Variants in PRKG1 observed in about 807,000 individuals in gnomAD.
The protein encoded by PRKG1 is protein kinase cGMP-dependent 1.
A neutral mutation model predicts 88.1 loss-of-function variants in PRKG1; 35 were observed. The ratio of observed to expected loss-of-function variants is 0.40; its 90% CI spans 0.30 to 0.53. PRKG1 has a LOEUF of 0.53. PRKG1 is among the 20% of genes least tolerant of loss of function. The pLI, the probability that PRKG1 is intolerant of heterozygous loss-of-function variation, is 0.59. For missense variants in PRKG1, 540 were observed against 839.8 expected (o/e 0.64, Z 4.41); for synonymous variants, 303 against 292.5 (o/e 1.04, Z -0.37).
chr10:52,242,553 A>C (rs1314879046), intron 9 of PRKG1, among the ~76,000 whole-genome samples: 5 of 152,152 alleles, frequency 3.3e-5, no homozygotes, highest in African/African-American at 1.2e-4. Context: ...AAGGGAGAAA[A>C]CCTTGAATTC....
rs74960221 is a variant in PRKG1 at position 52,016,828 on chromosome 10, G to A, written c.763-37656G>A. 3.5e-3 allele frequency among the ~76,000 whole-genome samples: 527 copies of A among 152,144 alleles called. 1 individual carries two copies. Among genetic ancestry groups the A allele is most frequent in the African/African-American group, 0.012 (508 of 41,526 alleles). On this transcript the variant is annotated intron_variant, in intron 5 of 17. Transcript: ENST00000373980. ...ATAATAAAAATTTTTTAAAAACACA[G>A]CAATAACAGAACAAGGTAAAATACA...
At chr10:52,057,185 C>T (rs1440214655) in intron 6 of PRKG1, among the ~76,000 whole-genome samples, 2 of 152,166 alleles carry the variant, frequency 1.3e-5, no homozygotes, top group Non-Finnish European at 2.9e-5. Flanking sequence ...AAATGAAATT[C>T]CCCTTGTTCA....
chr10:51,332,284 C>A (rs1484141390), intron 2 of PRKG1, among the ~76,000 whole-genome samples: 1 of 151,988 alleles, frequency 6.6e-6, no homozygotes, highest in East Asian at 1.9e-4. Context: ...ACAGGAGTTC[C>A]ATGTCAGAAA....
At chr10:51,432,558 A>G (rs1838800087) in intron 2 of PRKG1, among the ~76,000 whole-genome samples, 1 of 152,192 alleles carries the variant, frequency 6.6e-6, no homozygotes, top group Admixed American at 6.6e-5. Context: ...ATGAATTTCA[A>G]AGAATACTGC....
intron 5 of PRKG1, among the ~76,000 whole-genome samples, chr10:52,014,897 A>T (rs1347655427): frequency 6.6e-6 from 1 of 152,264 alleles, no homozygotes; most frequent in Non-Finnish European, 1.5e-5. Context: ...GGGCACACTG[A>T]TGCAAGGCAT....
chr10:51,064,654 AT>A (rs1843728641), intron 1 of PRKG1, among the ~76,000 whole-genome samples: 2 of 152,080 alleles, frequency 1.3e-5, no homozygotes. Flanking sequence ...CTTACGAAGT[AT>A]TCTTTCTGAC....
rs538948547 is a variant in PRKG1, at chr10:51,390,454, A to C, written c.479-77269A>C. On this transcript the variant is annotated intron_variant, in intron 2 of 17. Coordinates refer to ENST00000373980, the MANE Select transcript of PRKG1 (RefSeq NM_006258.4). The stretch of plus-strand genomic sequence containing the variant: ...TTCAACTTCAGGTTATAAAATTATC[A>C]TTAAGCAATATGTTCATGGGAAAGA... 4.6e-5 allele frequency among the ~76,000 whole-genome samples: 7 copies of C among 152,350 alleles called. 1 individual carries two copies. The South Asian group carries it at 1.5e-3, about 32-fold the overall frequency.
rs971468167 is a variant in PRKG1 at position 52,276,781 on chromosome 10, C to T, written c.1404-4008C>T. Among the ~76,000 whole-genome samples the T allele has an allele frequency of 2.4e-4, 36 of 152,108 alleles. 2 individuals are homozygous for T. The highest frequency in any genetic ancestry group is 6.3e-3 in the Middle Eastern group (2 of 316). On this transcript the variant is annotated intron_variant, in intron 12 of 17. Transcript: ENST00000373980. ...TTAAATCAAATTTACATTGTCATTT[C>T]CAATTCTAATAGTAATTTTTCATTG... is the stretch of plus-strand genomic sequence containing the variant.
At chr10:51,299,631 CTA>C (rs1491224174) in intron 2 of PRKG1, 2 of 465,784 alleles carry the variant, frequency 4.3e-6, no homozygotes, top group Non-Finnish European at 8.8e-6. Context: ...AGAGAAGGCA[CTA>C]TGAGATTTAG....
At chr10:51,467,665 C>T in intron 2 of PRKG1, 58 bp from the exon 3 acceptor site, 1 of 1,401,056 alleles carries the variant, frequency 7.1e-7, no homozygotes. Flanking sequence ...ATTAAAAATG[C>T]AACAAATGAA....
In PRKG1 at chr10:52,173,297, G is replaced by GA. The variant is rs1159871377; in HGVS notation, c.1076+11339dup. ...TTCATAGTAATTAAGTAAGCCTTTA[G>GA]AAAAAGCATTTTCATTTTTATCATT... On this transcript the variant is annotated intron_variant, in intron 9 of 17. Transcript: ENST00000373980. Among the ~76,000 whole-genome samples, 7 of 152,166 alleles carry GA rather than the reference G, an allele frequency of 4.6e-5. No individual in the cohort carries two copies. In the East Asian group the frequency reaches 9.7e-4, roughly 21 times the overall value.
intron 1 of PRKG1, among the ~76,000 whole-genome samples, chr10:51,151,323 A>C (rs1157916393): frequency 6.6e-6 from 1 of 151,966 alleles, no homozygotes; most frequent in East Asian, 1.9e-4. Flanking sequence ...AATTATAAGG[A>C]GGGGTGAAGA....
intron 4 of PRKG1, among the ~76,000 whole-genome samples, chr10:51,807,941 C>T (rs1839349649): frequency 1.3e-5 from 2 of 152,042 alleles, no homozygotes; most frequent in Admixed American, 1.3e-4. Context: ...GTTCTGAGGC[C>T]TTCCCTTCAG....
intron 2 of PRKG1, among the ~76,000 whole-genome samples, chr10:51,392,438 C>T (rs376869824): frequency 6.6e-6 from 1 of 152,154 alleles, no homozygotes; most frequent in Non-Finnish European, 1.5e-5. Flanking sequence ...CAGAGAGCAC[C>T]GGGTTGGGGG....
intron 4 of PRKG1, among the ~76,000 whole-genome samples, chr10:51,823,273 G>A (rs574986187): frequency 2.6e-5 from 4 of 152,196 alleles, no homozygotes; most frequent in Non-Finnish European, 1.5e-5. Context: ...TTAATAAAAA[G>A]TCTAACATAA....
chr10:52,225,676 T>G (rs1386629815), intron 9 of PRKG1, among the ~76,000 whole-genome samples: 1 of 152,156 alleles, frequency 6.6e-6, no homozygotes, highest in African/African-American at 2.4e-5. Flanking sequence ...AGGTGAGAGA[T>G]GAGGATCTAG....
intron 8 of PRKG1, among the ~76,000 whole-genome samples, chr10:52,149,260 T>C (rs1471141173): frequency 2.0e-5 from 3 of 151,340 alleles, no homozygotes; most frequent in Non-Finnish European, 2.9e-5. Flanking sequence ...TTTTGAAAGG[T>C]TCATAAAAAG....
intron 5 of PRKG1, among the ~76,000 whole-genome samples, chr10:52,024,389 T>C (rs1393718673): frequency 6.6e-6 from 1 of 152,164 alleles, no homozygotes; most frequent in African/African-American, 2.4e-5. Context: ...TGCAGGTTTT[T>C]AACATGTGTA....
intron 8 of PRKG1, among the ~76,000 whole-genome samples, chr10:52,136,880 C>G (rs2007124214): frequency 6.6e-6 from 1 of 151,976 alleles, no homozygotes; most frequent in South Asian, 2.1e-4. Flanking sequence ...ACCTTAAGCA[C>G]AAATACAGAA....
Sources: allele counts gnomAD v4.1 joint callset (sites outside exome capture counted in the v4.1 genomes callset), GRCh38; gene constraint gnomAD v4.1.1; transcripts MANE v1.5; gene names NCBI Gene and HGNC (gene_info 2026-07-23, HGNC 2026-07-21).